The following FOXN3 variants were observed in gnomAD, a reference collection of about 807,000 sequenced individuals.
FOXN3 encodes the protein forkhead box N3.
In FOXN3, 7 loss-of-function variants were observed where a neutral mutation model predicts 38.4. The ratio of observed to expected loss-of-function variants is 0.18; its 90% confidence interval spans 0.10 to 0.34. FOXN3 has a LOEUF of 0.34. Ranked by LOEUF, FOXN3 falls within the 10% of genes least tolerant of loss-of-function variation. The pLI is 1.00. For synonymous variants in FOXN3, 230 were observed against 242.2 expected (o/e 0.95, Z 0.47); for missense variants, 456 against 613.4 (o/e 0.74, Z 2.71).
intron 1 of FOXN3, among the ~76,000 whole-genome samples, chr14:89,495,407 T>A (rs1458193555): frequency 6.6e-6 from 1 of 152,186 alleles, no homozygotes; most frequent in Non-Finnish European, 1.5e-5. Flanking sequence ...TTTACTATGA[T>A]AATAATAATA....
chr14:89,510,054 T>TA (rs1894024356), intron 1 of FOXN3, among the ~76,000 whole-genome samples: 1 of 152,146 alleles, frequency 6.6e-6, no homozygotes, highest in Non-Finnish European at 1.5e-5. Context: ...CCCACATGGA[T>TA]GAGAGGCGGA....
At chr14:89,219,571 G>A (rs561302532) in intron 4 of FOXN3, among the ~76,000 whole-genome samples, 2 of 152,276 alleles carry the variant, frequency 1.3e-5, no homozygotes, top group Non-Finnish European at 2.9e-5. Flanking sequence ...CATGCAGTGG[G>A]CTGTCATCAA....
intron 2 of FOXN3, among the ~76,000 whole-genome samples, chr14:89,389,408 A>G (rs1355431786): frequency 6.6e-6 from 1 of 152,190 alleles, no homozygotes; most frequent in Non-Finnish European, 1.5e-5. Flanking sequence ...CTTTCATTCT[A>G]TCCTTTCCCT....
intron 1 of FOXN3, among the ~76,000 whole-genome samples, chr14:89,561,839 C>G (rs1390297586): frequency 6.6e-6 from 1 of 152,122 alleles, no homozygotes; most frequent in Non-Finnish European, 1.5e-5. Context: ...AAAACTACTC[C>G]TAAATAAACA....
intron 2 of FOXN3, among the ~76,000 whole-genome samples, chr14:89,376,425 A>G (rs1490907508): frequency 6.6e-6 from 1 of 152,178 alleles, no homozygotes; most frequent in African/African-American, 2.4e-5. Context: ...TCTTTTTTGT[A>G]AAAATTGGTC....
At chr14:89,210,870 C>T (rs375599360) in intron 4 of FOXN3, among the ~76,000 whole-genome samples, 6 of 152,190 alleles carry the variant, frequency 3.9e-5, no homozygotes, top group East Asian at 3.9e-4. Context: ...GTGGCAAATT[C>T]GGCTCACTTC....
Position 89,447,350 on chromosome 14 carries a change from G to A in FOXN3, c.-14-34860C>T, listed in dbSNP as rs375262841. 1.8e-4 allele frequency among the ~76,000 whole-genome samples: 28 copies of A among 152,150 alleles called. No individual in the cohort carries two copies. The East Asian group carries it at 2.5e-3, about 14-fold the overall frequency. The stretch of plus-strand genomic sequence containing the variant: ...CCACCAGTCATACAGGAGAGTGAAC[G>A]CCTAGTTTTCTCCACAGAGATGAGT... On this transcript the variant is annotated intron_variant, in intron 1 of 6. Coordinates refer to the FOXN3 transcript ENST00000345097.
intron 1 of FOXN3, among the ~76,000 whole-genome samples, chr14:89,520,017 C>CTTTTTTTTTTTTTTTTTTTTTTTT (rs56854196): frequency 7.6e-6 from 1 of 132,446 alleles, no homozygotes; most frequent in African/African-American, 2.7e-5. Context: ...TTCTTTTTTT[C>CTTTTTTTTTTTTTTTTTTTTTTTT]TTTTTTTTTT....
At chr14:89,428,440 AG>A (rs1422499189) in intron 1 of FOXN3, among the ~76,000 whole-genome samples, 1 of 152,182 alleles carries the variant, frequency 6.6e-6, no homozygotes, top group East Asian at 1.9e-4. Context: ...CAATCTTAAA[AG>A]GGTCGGGGCT....
intron 1 of FOXN3, among the ~76,000 whole-genome samples, chr14:89,578,785 C>T (rs1006634250): frequency 1.3e-5 from 2 of 152,164 alleles, no homozygotes; most frequent in Non-Finnish European, 2.9e-5. Context: ...CTCTCCTAGA[C>T]ACTGTCACTC....
At chr14:89,251,992 T>C (rs918546116) in intron 4 of FOXN3, among the ~76,000 whole-genome samples, 3 of 152,262 alleles carry the variant, frequency 2.0e-5, no homozygotes, top group African/African-American at 7.2e-5. Context: ...AGGCTTTGGC[T>C]GAAACAGGGA....
chr14:89,545,324 G>A (rs948046426), intron 1 of FOXN3, among the ~76,000 whole-genome samples: 2 of 152,214 alleles, frequency 1.3e-5, no homozygotes, highest in African/African-American at 2.4e-5. Context: ...CGATACGGGG[G>A]CCACCAGAGG....
intron 1 of FOXN3, among the ~76,000 whole-genome samples, chr14:89,424,606 G>C (rs536305085): frequency 6.6e-6 from 1 of 151,872 alleles, no homozygotes; most frequent in African/African-American, 2.4e-5. Context: ...AGGCAGGTGC[G>C]GTGGCTCACA....
At chr14:89,332,349 T>C (rs1234281923) in intron 3 of FOXN3, among the ~76,000 whole-genome samples, 3 of 152,178 alleles carry the variant, frequency 2.0e-5, no homozygotes, top group Non-Finnish European at 4.4e-5. Context: ...AGAGAAATTT[T>C]AAGCTCACAA....
intron 3 of FOXN3, among the ~76,000 whole-genome samples, chr14:89,306,132 G>A (rs1248493146): frequency 6.6e-6 from 1 of 152,152 alleles, no homozygotes; most frequent in East Asian, 1.9e-4. Flanking sequence ...TCTATTTCAA[G>A]AGTCATTTAG....
In FOXN3 at chr14:89,351,647, G is replaced by A. The variant is rs1036438213; in HGVS notation, c.544-839C>T. On this transcript the variant is annotated intron_variant, in intron 2 of 5. Transcript: ENST00000557258. ...ACTGGCAGCAGGCCGACGGGCAATC[G>A]TTCCTCTGGCCGCACACTTTCAAGT... Among the ~76,000 whole-genome samples, 9 of 152,212 alleles carry A rather than the reference G, an allele frequency of 5.9e-5. No individual in the cohort carries two copies. The East Asian group carries it at 1.2e-3, about 20-fold the overall frequency.
At chr14:89,563,073 C>T (rs1056526982) in intron 1 of FOXN3, among the ~76,000 whole-genome samples, 1 of 152,218 alleles carries the variant, frequency 6.6e-6, no homozygotes, top group African/African-American at 2.4e-5. Context: ...CTATCCTGTA[C>T]ATCGAAGAGA....
At chr14:89,556,589 T>A (rs1895131032) in intron 1 of FOXN3, among the ~76,000 whole-genome samples, 1 of 151,752 alleles carries the variant, frequency 6.6e-6, no homozygotes, top group African/African-American at 2.4e-5. Flanking sequence ...GGAGAGAGAA[T>A]GAATAAATAA....
chr14:89,556,884 G>A (rs1321405267), intron 1 of FOXN3, among the ~76,000 whole-genome samples: 1 of 152,178 alleles, frequency 6.6e-6, no homozygotes, highest in Non-Finnish European at 1.5e-5. Context: ...GCATTGTGGA[G>A]TGACAGAGCA....
Sources: allele counts gnomAD v4.1 joint callset (sites outside exome capture counted in the v4.1 genomes callset), GRCh38; gene constraint gnomAD v4.1.1; transcripts MANE v1.5; gene names NCBI Gene and HGNC (gene_info 2026-07-23, HGNC 2026-07-21).